Variants in LAMB2 observed in about 807,000 individuals in gnomAD.
LAMB2 encodes laminin subunit beta 2.
In LAMB2, 119 loss-of-function variants were observed where a neutral mutation model predicts 202.7. The observed-to-expected ratio is 0.59, with a 90% CI of 0.51 to 0.68. LAMB2 has a LOEUF of 0.68. LAMB2 is among the 30% of genes least tolerant of loss of function. The probability of loss-of-function intolerance (pLI) is 0.00; values close to 1 mark genes in which losing one functional copy is unlikely to be tolerated. For missense variants in LAMB2, 2,124 were observed against 2,410.6 expected (o/e 0.88, Z 2.49); for synonymous variants, 818 against 902.2 (o/e 0.91, Z 1.67).
Position 49,121,680 on chromosome 3 carries a change from C to CT in LAMB2, c.5100+3_5100+4insA. On this transcript the variant is annotated splice_donor_region_variant and intron_variant, in intron 30 of 31. Transcript: ENST00000305544. ...CTTCTCCAGCTGGCTCTGCCTCAAC[C>CT]CACCTGCTCAGCCTCCTGGGCACGA... 6.2e-7 allele frequency: 1 copy of CT among 1,614,098 alleles called. No homozygotes were observed. The highest frequency in any genetic ancestry group is 8.5e-7 in the Non-Finnish European group (1 of 1,180,040).
rs1196215253 is a variant in LAMB2 at position 49,131,217 on chromosome 3, G to T, written c.713-65C>A. ...CTTGCTGCCCCATGTCCACCCAGGG[G>T]CTCAGCTGCCAAGGTCACCTTGAAA... On this transcript the variant is annotated intron_variant, in intron 6 of 31. Coordinates refer to ENST00000305544, the MANE Select transcript of LAMB2 (RefSeq NM_002292.4). The surrounding 1 kb of genome is among the most constrained non-coding windows in gnomAD (Gnocchi z 5.0). The T allele has an allele frequency of 1.3e-6, 2 of 1,542,670 alleles. No homozygotes were observed. Among genetic ancestry groups the T allele is most frequent in the Admixed American group, 1.7e-5 (1 of 58,294 alleles).
At chr3:49,127,806 G>T (rs989422125) in intron 15 of LAMB2, among the ~76,000 whole-genome samples, 1 of 151,616 alleles carries the variant, frequency 6.6e-6, no homozygotes, top group Non-Finnish European at 1.5e-5. Context: ...AGATCACAAG[G>T]TCAGAAGATC....
rs781530275 is a variant in LAMB2 at position 49,125,271 on chromosome 3, C to G, written c.2702G>C (p.Gly901Ala). The change falls in exon 19 of 32, where the codon GGG becomes GCG. Residue 901 changes from glycine (G) to alanine (A), a missense_variant. Gly to Ala is a moderately conservative substitution (Grantham distance 60). This residue lies in a region of LAMB2 where 1,702 missense variants were observed against 1,896.3 expected (regional missense o/e 0.90). Transcript: ENST00000305544. Reference sequence around the variant, plus strand: ...GTCTCACCTTTCACAGTGCTCACCCCCTGTGTGATCACGGCAGCCCAGGCA... The same window carrying G: ...GTCTCACCTTTCACAGTGCTCACCCGCTGTGTGATCACGGCAGCCCAGGCA... Reference protein sequence around the residue: ...GACLGCRDHTGGEHCERCIAG... With the variant: ...GACLGCRDHTAGEHCERCIAG... 38 of 1,613,860 alleles carry G rather than the reference C, an allele frequency of 2.4e-5. No homozygotes were observed. Among genetic ancestry groups the G allele is most frequent in the Middle Eastern group, 1.6e-4 (1 of 6,084 alleles).
Position 49,131,802 on chromosome 3 carries a change from C to T in LAMB2, c.460-79G>A, listed in dbSNP as rs1048174168. 19 of 1,456,464 alleles carry T rather than the reference C, an allele frequency of 1.3e-5. No individual in the cohort carries two copies. Among genetic ancestry groups the T allele is most frequent in the Non-Finnish European group, 1.6e-5 (17 of 1,054,740 alleles). 90.2% of individuals were successfully genotyped at this position (1,456,464 alleles called of 1,614,324 possible). On this transcript the variant is annotated intron_variant, in intron 4 of 31. Transcript: ENST00000305544. This position sits in a 1 kb window ranked among gnomAD's most constrained non-coding sequence, Gnocchi z 5.0. ...GAGCCATCAAGAGCCCTGCTCAGCC[C>T]AAGACTGCCCTCAAATAGCTCACAG...
At position 49,130,966 on chromosome 3, in the gene LAMB2, G is replaced by C. The variant is rs2045474614; in HGVS notation, c.899C>G (p.Ala300Gly). ...GCCCCTTACCATGCCCTCAGCATGG[G>C]CTGGTGCCCCTGGGGCGGGTGCACA... Reference protein sequence around the residue: ...SECAPAPGAPAHAEGMVHGAC... With the variant: ...SECAPAPGAPGHAEGMVHGAC... The change falls in exon 7 of 32, where the codon GCC (alanine) becomes GGC (glycine). Residue 300 changes from alanine to glycine, a missense_variant. Coordinates refer to ENST00000305544, the MANE Select transcript of LAMB2 (RefSeq NM_002292.4). The surrounding 1 kb of genome is among the most constrained non-coding windows in gnomAD (Gnocchi z 5.0). 6.2e-7 allele frequency: 1 copy of C among 1,613,996 alleles called. No individual in the cohort carries two copies. The highest frequency in any genetic ancestry group is 1.3e-5 in the African/African-American group (1 of 74,926).
intron 15 of LAMB2, among the ~76,000 whole-genome samples, chr3:49,127,511 T>C (rs1381558936): frequency 3.3e-5 from 5 of 151,860 alleles, no homozygotes; most frequent in East Asian, 1.9e-4. Flanking sequence ...CTGGCTAACA[T>C]GGTGAAACCC....
rs2045271641 is a variant in LAMB2 at position 49,121,817 on chromosome 3, G to T, written c.4967C>A (p.Ala1656Glu). Residue 1656 changes from alanine to glutamate, a missense_variant, in exon 30 of 32, where the codon GCA (alanine) becomes GAA (glutamate). Transcript: ENST00000305544. The part of the protein sequence containing the change: ...MAGAERALSS[A>E]GERARQLDAL... ...ATCCAACTGCCGAGCCCTTTCACCT[G>T]CAGAGCTCAGTGCCCGCTCTGCACC... 1 of 1,612,934 alleles carries T rather than the reference G, an allele frequency of 6.2e-7. No individual in the cohort carries two copies. Among genetic ancestry groups the T allele is most frequent in the Non-Finnish European group, 8.5e-7 (1 of 1,179,998 alleles).
rs771091428 is a variant in LAMB2, at chr3:49,126,117, C to A, written c.2194G>T (p.Gly732Trp). Residue 732 changes from glycine to tryptophan, a missense_variant, in exon 17 of 32, where the codon GGG (glycine) becomes TGG (tryptophan). Gly to Trp is a radical substitution (Grantham distance 184). This residue lies in a region of LAMB2 where 1,702 missense variants were observed against 1,896.3 expected (regional missense o/e 0.90). Transcript: ENST00000305544. ...CGCTCCAGGGCAGCAGCATCACCCC[C>A]ACTAAACATCTCTAGCACCAGGACA... Reference protein sequence around the residue: ...PRVLVLEMFSGGDAAALERQA... With the variant: ...PRVLVLEMFSWGDAAALERQA... The A allele has an allele frequency of 1.2e-6, 2 of 1,613,656 alleles. No homozygotes were observed. The highest frequency in any genetic ancestry group is 3.3e-5 in the Admixed American group (2 of 60,030).
Position 49,128,699 on chromosome 3 carries a change from C to T in LAMB2, c.1852G>A (p.Ala618Thr). Reference sequence around the variant, plus strand: ...CGCAGCAGCAGGTCATAGTCCATAGCCTTCGGCACAGAGGCCACCAGGAAC... The same window carrying T: ...CGCAGCAGCAGGTCATAGTCCATAGTCTTCGGCACAGAGGCCACCAGGAAC... ...LEFLVASVPKAMDYDLLLRLE... is the reference protein window; with the variant it reads ...LEFLVASVPKTMDYDLLLRLE... The change falls in exon 14 of 32, where the codon GCT (alanine) becomes ACT (threonine). Residue 618 changes from alanine (A) to threonine (T), a missense_variant. Ala to Thr is a moderately conservative substitution (Grantham distance 58). This residue lies in a region of LAMB2 where 1,702 missense variants were observed against 1,896.3 expected (regional missense o/e 0.90). Transcript: ENST00000305544. 1 of 1,614,178 alleles carries T rather than the reference C, an allele frequency of 6.2e-7. No homozygotes were observed.
chr3:49,131,415 T>C lies in LAMB2; in HGVS notation c.676A>G (p.Ile226Val). ...EVIYRVLDPA[I>V]PIPDPYSSRI... ...GAGCTGTAGGGGTCTGGGATAGGGA[T>C]GGCAGGGTCCAGCACACGATAGATG... Residue 226 changes from isoleucine to valine, a missense_variant, in exon 6 of 32, where the codon ATC becomes GTC. Coordinates refer to ENST00000305544, the MANE Select transcript of LAMB2 (RefSeq NM_002292.4). This position sits in a 1 kb window ranked among gnomAD's most constrained non-coding sequence, Gnocchi z 5.0. 1 of 1,614,092 alleles carries C rather than the reference T, an allele frequency of 6.2e-7. No individual in the cohort carries two copies. Among genetic ancestry groups the C allele is most frequent in the Non-Finnish European group, 8.5e-7 (1 of 1,180,012 alleles).
chr3:49,125,010 A>G lies in LAMB2; in HGVS notation c.2880T>C (p.Tyr960=), dbSNP rs1487282453. Reference sequence around the variant, plus strand: ...CGCCTGCCCCCATCCACTCACCCGTATAGCCTGCCCGGCAGTGGCACACAA... The same window carrying G: ...CGCCTGCCCCCATCCACTCACCCGTGTAGCCTGCCCGGCAGTGGCACACAA... ...QQIVCHCRAG[Y]TGLRCEACAP... The change falls in exon 20 of 32, where the codon TAT becomes TAC. Residue 960 remains tyrosine, a synonymous_variant. Transcript: ENST00000305544. 2 of 1,613,954 alleles carry G rather than the reference A, an allele frequency of 1.2e-6. No individual in the cohort carries two copies. The highest frequency in any genetic ancestry group is 2.2e-5 in the South Asian group (2 of 91,090).
rs765293989 is a variant in LAMB2, at chr3:49,129,813, T to C, written c.1405+26A>G. The C allele has an allele frequency of 1.4e-5, 23 of 1,613,436 alleles. No individual in the cohort carries two copies. The East Asian group carries it at 4.5e-4, about 31-fold the overall frequency. On this transcript the variant is annotated intron_variant, in intron 10 of 31. Transcript: ENST00000305544. This position sits in a 1 kb window ranked among gnomAD's most constrained non-coding sequence, Gnocchi z 6.1. ...AGAGGACAGGGGTTAAAGGTCAGCA[T>C]AGAAGTTAGGGCAGGAGACACATAC...
Position 49,129,880 on chromosome 3 carries a change from C to T in LAMB2, c.1364G>A (p.Gly455Asp). The T allele has an allele frequency of 6.2e-7, 1 of 1,613,950 alleles. No individual in the cohort carries two copies. The highest frequency in any genetic ancestry group is 8.5e-7 in the Non-Finnish European group (1 of 1,180,038). ...GTCACTGATGCTGAGCCCAAAGAAG[C>T]CATCACGGCATTGCTGGCAGCGAGT... ...VGTRCQQCRD[G>D]FFGLSISDRL... The change falls in exon 10 of 32, where the codon GGC (glycine) becomes GAC (aspartate). Residue 455 changes from glycine to aspartate, a missense_variant. Transcript: ENST00000305544. This position sits in a 1 kb window ranked among gnomAD's most constrained non-coding sequence, Gnocchi z 6.1.
At chr3:49,126,545 A>G (rs1449343891) in intron 15 of LAMB2, 48 bp from the exon 16 acceptor site, 1 of 1,610,692 alleles carries the variant, frequency 6.2e-7, no homozygotes, top group South Asian at 1.1e-5. Context: ...GGGGCCCTGT[A>G]CAAATCATCT....
Position 49,129,375 on chromosome 3 carries a change from A to T in LAMB2, c.1519-51T>A. 1 of 1,513,396 alleles carries T rather than the reference A, an allele frequency of 6.6e-7. No homozygotes were observed. The highest frequency in any genetic ancestry group is 9.1e-7 in the Non-Finnish European group (1 of 1,096,570). 93.7% of individuals were successfully genotyped at this position (1,513,396 alleles called of 1,614,324 possible). A position where few individuals can be genotyped will look rare whatever the true frequency, so the allele number is the denominator to read the frequency against. On this transcript the variant is annotated intron_variant, in intron 11 of 31. Coordinates refer to ENST00000305544, the MANE Select transcript of LAMB2 (RefSeq NM_002292.4). This position sits in a 1 kb window ranked among gnomAD's most constrained non-coding sequence, Gnocchi z 6.1. ...CAGAAACAGACCTCCAGACCCCATC[A>T]CCACCCAGCAGGAAATCCCAACCAC...
chr3:49,132,836 C>G lies in LAMB2; in HGVS notation c.32G>C (p.Gly11Ala). Residue 11 changes from glycine (G) to alanine (A), a missense_variant, in exon 1 of 32, where the codon GGA (glycine) becomes GCA (alanine). Around this residue, in one of 3 missense-constraint regions of LAMB2, gnomAD observed 166 missense variants for 158.2 expected, o/e 1.05. Coordinates refer to ENST00000305544, the MANE Select transcript of LAMB2 (RefSeq NM_002292.4). The surrounding 1 kb of genome is among the most constrained non-coding windows in gnomAD (Gnocchi z 4.6). MELTSRERGR[G>A]QPLPWELRLG... ...TCGAAGTTCCCAGGGCAGAGGCTGT[C>G]CCCTCCCTCTTTCCCTTGAGGTCAG... 2 of 1,614,166 alleles carry G rather than the reference C, an allele frequency of 1.2e-6. No homozygotes were observed. Among genetic ancestry groups the G allele is most frequent in the Non-Finnish European group, 1.7e-6 (2 of 1,180,032 alleles).
At position 49,121,417 on chromosome 3, in the gene LAMB2, G is replaced by A. The variant is rs2045231715; in HGVS notation, c.5260+16C>T. The A allele has an allele frequency of 1.2e-6, 2 of 1,614,048 alleles. No homozygotes were observed. The highest frequency in any genetic ancestry group is 2.2e-5 in the East Asian group (1 of 44,864). The stretch of plus-strand genomic sequence containing the variant: ...GGTTTCCCGCAGTCTTGTGTCTCTG[G>A]TGCCCCATTTCTTACCCTGTAGCCG... On this transcript the variant is annotated intron_variant, in intron 31 of 31. Coordinates refer to ENST00000305544, the MANE Select transcript of LAMB2 (RefSeq NM_002292.4).
At chr3:49,124,140 G>C in intron 23 of LAMB2, 40 bp from the exon 24 acceptor site, 1 of 1,614,136 alleles carries the variant, frequency 6.2e-7, no homozygotes, top group Non-Finnish European at 8.5e-7. Context: ...GGTCACTGTG[G>C]GGCATTCTGG....
Position 49,121,131 on chromosome 3 carries a change from T to G in LAMB2, c.*95A>C. 24 of 1,445,836 alleles carry G rather than the reference T, an allele frequency of 1.7e-5. No individual in the cohort carries two copies. The highest frequency in any genetic ancestry group is 2.1e-5 in the Non-Finnish European group (22 of 1,046,408). 89.6% of individuals were successfully genotyped at this position (1,445,836 alleles called of 1,614,324 possible). ...CAACACAGTGGGGGTTCACACTGGT[T>G]TATTGGGGGCCCTGCCGGGCCAAGA... On this transcript the variant is annotated 3_prime_UTR_variant, in exon 32 of 32. Coordinates refer to ENST00000305544, the MANE Select transcript of LAMB2 (RefSeq NM_002292.4).
Sources: gnomAD v4.1 joint callset for allele counts (sites outside exome capture counted in the v4.1 genomes callset) on GRCh38, gnomAD v4.1.1 for gene constraint, gnomAD v4.1.1 regional missense constraint, Gnocchi (gnomAD v3.1) non-coding constraint, MANE v1.5 for transcripts, NCBI Gene and HGNC (gene_info 2026-07-23, HGNC 2026-07-21) for gene names.